ATP11A: variants seen among roughly 807,000 people sequenced by gnomAD.
ATP11A encodes the protein phospholipid-transporting ATPase IH.
A neutral mutation model predicts 154.4 loss-of-function variants in ATP11A; 81 were observed. The observed-to-expected ratio is 0.52, with a 90% CI of 0.44 to 0.63. The LOEUF (loss-of-function observed/expected upper bound fraction) is 0.63. Among genes scored for constraint, ATP11A ranks in the 30% least tolerant of loss-of-function variants. The pLI is 0.00. For synonymous variants in ATP11A, 623 were observed against 585.9 expected (o/e 1.06, Z -0.91); for missense variants, 1,316 against 1,474.3 (o/e 0.89, Z 1.76).
Position 112,883,169 on chromosome 13 carries a change from T to C in ATP11A, c.*1303T>C, listed in dbSNP as rs2080923653. On this transcript the variant is annotated 3_prime_UTR_variant, in exon 30 of 30. Coordinates refer to ENST00000375645, the MANE Select transcript of ATP11A (RefSeq NM_015205.3). ...CCCCTTGTCCCGTCCCCACATACCC[T>C]CGTCCCCATGTCCCCACGCAGGGCT... 1 of 396,878 alleles carries C rather than the reference T, an allele frequency of 2.5e-6. No individual in the cohort carries two copies. The highest frequency in any genetic ancestry group is 3.6e-5 in the East Asian group (1 of 27,966). 24.6% of individuals were successfully genotyped at this position (396,878 alleles called of 1,614,324 possible).
intron 1 of ATP11A, among the ~76,000 whole-genome samples, chr13:112,711,851 G>A (rs1887791954): frequency 1.3e-5 from 2 of 152,254 alleles, no homozygotes; most frequent in South Asian, 4.1e-4. Flanking sequence ...CCCTCTCCCA[G>A]CCTCTCTGCC....
intron 12 of ATP11A, among the ~76,000 whole-genome samples, chr13:112,830,389 A>G (rs2079053624): frequency 6.6e-6 from 1 of 152,162 alleles, no homozygotes; most frequent in Non-Finnish European, 1.5e-5. Flanking sequence ...AGCCTGGCCA[A>G]CATGGCGAAA....
chr13:112,738,416 G>A (rs755563492), intron 1 of ATP11A, among the ~76,000 whole-genome samples: 1 of 152,106 alleles, frequency 6.6e-6, no homozygotes, highest in Non-Finnish European at 1.5e-5. Context: ...AAGTGTTAGC[G>A]ACTCAGAAAA....
At chr13:112,832,779 T>G in intron 13 of ATP11A, 81 bp from the exon 14 acceptor site, 3 of 1,509,244 alleles carry the variant, frequency 2.0e-6, no homozygotes, top group Non-Finnish European at 2.7e-6. Context: ...CCCCGCTTCT[T>G]GTTATCTCTC....
At chr13:112,828,974 T>A (rs975902464) in intron 12 of ATP11A, among the ~76,000 whole-genome samples, 16 of 152,260 alleles carry the variant, frequency 1.1e-4, no homozygotes, top group Non-Finnish European at 5.9e-5. Context: ...ATGGAGATCC[T>A]GTGCCAGAAG....
chr13:112,702,294 C>T (rs1341466389), intron 1 of ATP11A, among the ~76,000 whole-genome samples: 2 of 144,558 alleles, frequency 1.4e-5, no homozygotes, highest in Non-Finnish European at 3.0e-5. Context: ...TGCAGTGAGC[C>T]GAGATCGCAC....
chr13:112,765,520 C>T (rs535563854), intron 1 of ATP11A, among the ~76,000 whole-genome samples: 2 of 152,212 alleles, frequency 1.3e-5, no homozygotes, highest in African/African-American at 2.4e-5. Context: ...GGTTAAGAAG[C>T]GGCCTCTGAA....
intron 17 of ATP11A, among the ~76,000 whole-genome samples, chr13:112,850,098 C>T (rs1316936310): frequency 6.6e-6 from 1 of 152,132 alleles, no homozygotes; most frequent in Non-Finnish European, 1.5e-5. Flanking sequence ...TCTGTCCACA[C>T]CAGTTAAGAG....
intron 1 of ATP11A, among the ~76,000 whole-genome samples, chr13:112,703,706 G>T (rs980699463): frequency 1.3e-5 from 2 of 152,084 alleles, no homozygotes; most frequent in South Asian, 2.1e-4. Context: ...CGGATCTAAG[G>T]TTCTGTGTAT....
chr13:112,831,456 G>A lies in ATP11A; in HGVS notation c.1303G>A (p.Val435Ile). The change falls in exon 13 of 30, where the codon GTC becomes ATC. Residue 435 changes from valine to isoleucine, a missense_variant. Transcript: ENST00000375645. ...CAAGGAGTGCTGCATCGAAGGCCAT[G>A]TCTACGTGCCCCACGTCATCTGCAA... ...EFKECCIEGH[V>I]YVPHVICNGQ... The A allele has an allele frequency of 1.9e-6, 3 of 1,614,228 alleles. No individual in the cohort carries two copies. Among genetic ancestry groups the A allele is most frequent in the Non-Finnish European group, 2.5e-6 (3 of 1,180,036 alleles).
At position 112,882,079 on chromosome 13, in the gene ATP11A, C is replaced by G; in HGVS notation, c.*213C>G. ...TGCTCGTGTGATGGATGGTCCTAAGCCTGTGGAGACTGTGCACGTGCCTCT... is the reference window on the plus strand; with the variant it reads ...TGCTCGTGTGATGGATGGTCCTAAGGCTGTGGAGACTGTGCACGTGCCTCT... On this transcript the variant is annotated 3_prime_UTR_variant, in exon 30 of 30. Transcript: ENST00000375645. This position sits in a 1 kb window ranked among gnomAD's most constrained non-coding sequence, Gnocchi z 5.1. The G allele has an allele frequency of 1.5e-6, 2 of 1,364,750 alleles. No individual in the cohort carries two copies. Among genetic ancestry groups the G allele is most frequent in the Non-Finnish European group, 2.0e-6 (2 of 1,020,092 alleles). 84.5% of individuals were successfully genotyped at this position (1,364,750 alleles called of 1,614,324 possible).
chr13:112,812,541 C>G (rs2140169087), intron 5 of ATP11A, among the ~76,000 whole-genome samples: 1 of 152,304 alleles, frequency 6.6e-6, no homozygotes, highest in Non-Finnish European at 1.5e-5. Flanking sequence ...GCTCAGTGAA[C>G]CTCTCCGGAC....
In ATP11A at chr13:112,805,414, C is replaced by T. The variant is rs538712361; in HGVS notation, c.252+368C>T. On this transcript the variant is annotated intron_variant, in intron 3 of 29. Transcript: ENST00000375645. ...TGGATGCTCTAAAGAAAATCCAGGC[C>T]GGGCACAGTGGCTCGCCTGTAATCC... is the stretch of plus-strand genomic sequence containing the variant. Among the ~76,000 whole-genome samples the T allele has an allele frequency of 3.9e-5, 6 of 152,210 alleles. No individual in the cohort carries two copies. The South Asian group carries it at 6.2e-4, about 16-fold the overall frequency.
chr13:112,873,559 T>A lies in ATP11A; in HGVS notation c.3058-14T>A, dbSNP rs770553881. 5.0e-5 allele frequency: 79 copies of A among 1,582,462 alleles called. No homozygotes were observed. The highest frequency in any genetic ancestry group is 6.2e-5 in the Non-Finnish European group (72 of 1,168,070). ...AGATGACACCGTTAACTGCCCTTTT[T>A]TTTTTCCTTTTAGCTTGCATTGGAC... On this transcript the variant is annotated splice_polypyrimidine_tract_variant and intron_variant, in intron 26 of 29. Coordinates refer to ENST00000375645, the MANE Select transcript of ATP11A (RefSeq NM_015205.3).
At chr13:112,710,084 C>T (rs1435428854) in intron 1 of ATP11A, among the ~76,000 whole-genome samples, 2 of 152,200 alleles carry the variant, frequency 1.3e-5, no homozygotes, top group Non-Finnish European at 2.9e-5. Flanking sequence ...GCGTGACACC[C>T]GGGTGTCAGG....
At chr13:112,825,929 G>T (rs1472099328) in intron 11 of ATP11A, among the ~76,000 whole-genome samples, 1 of 152,210 alleles carries the variant, frequency 6.6e-6, no homozygotes, top group East Asian at 1.9e-4. Flanking sequence ...AAAAGGGTCT[G>T]CTCCCAGTCC....
intron 1 of ATP11A, among the ~76,000 whole-genome samples, chr13:112,695,838 G>GT: frequency 6.6e-6 from 1 of 152,068 alleles, no homozygotes; most frequent in Admixed American, 6.6e-5. Flanking sequence ...ACTTATCAAT[G>GT]TTTTTTTAAC....
At chr13:112,699,034 C>T (rs1213484387) in intron 1 of ATP11A, among the ~76,000 whole-genome samples, 2 of 152,296 alleles carry the variant, frequency 1.3e-5, no homozygotes, top group African/African-American at 2.4e-5. Context: ...GGTCTTTAAA[C>T]CAATCCTTTA....
chr13:112,729,407 G>A (rs983456417), intron 1 of ATP11A, among the ~76,000 whole-genome samples: 6 of 151,174 alleles, frequency 4.0e-5, no homozygotes, highest in Admixed American at 2.0e-4. Context: ...TAACGCGTCC[G>A]AGTGCGAACA....
Sources: gnomAD v4.1 joint callset for allele counts (sites outside exome capture counted in the v4.1 genomes callset) on GRCh38, gnomAD v4.1.1 for gene constraint, Gnocchi (gnomAD v3.1) non-coding constraint, MANE v1.5 for transcripts, NCBI Gene and HGNC (gene_info 2026-07-23, HGNC 2026-07-21) for gene names.